The following SRP19 variants were observed in gnomAD, a reference collection of about 807,000 sequenced individuals.
SRP19 encodes the protein signal recognition particle 19 kDa protein.
In SRP19, 11 loss-of-function variants were observed where a neutral mutation model predicts 22.4. The observed-to-expected ratio is 0.49, with a 90% CI of 0.31 to 0.81. The LOEUF (loss-of-function observed/expected upper bound fraction) is 0.81, where lower values mean the gene tolerates loss of function less well. Ranked by LOEUF, SRP19 falls within the 40% of genes least tolerant of loss-of-function variation. The pLI is 0.05. For missense variants in SRP19, 168 were observed against 175.9 expected, an observed-to-expected ratio of 0.96 and a Z score of 0.25; for synonymous variants, 61 against 57.6, an observed-to-expected ratio of 1.06 and a Z score of -0.27.
chr5:112,891,988 A>G (rs1180094457), exon 5 of SRP19: 3 of 1,258,616 alleles, frequency 2.4e-6, no homozygotes, highest in East Asian at 2.3e-5. Flanking sequence ...GGAACAATGG[A>G]AAGAACAGCA....
At chr5:112,881,485 C>A (rs140554922) in intron 4 of SRP19, among the ~76,000 whole-genome samples, 2 of 152,338 alleles carry the variant, frequency 1.3e-5, no homozygotes, top group Non-Finnish European at 2.9e-5. Flanking sequence ...ATCCATTCCT[C>A]CGAATGTTTC....
downstream of SRP19, among the ~76,000 whole-genome samples, chr5:112,872,816 A>G (rs1200176956): frequency 6.6e-6 from 1 of 151,998 alleles, no homozygotes; most frequent in African/African-American, 2.4e-5. Flanking sequence ...TTTGTTTTGT[A>G]TATCTTGTTC....
chr5:112,892,237 A>G lies in SRP19; in HGVS notation c.*630A>G. 1.9e-6 allele frequency: 3 copies of G among 1,614,154 alleles called. No individual in the cohort carries two copies. In the East Asian group the frequency reaches 6.7e-5, roughly 36 times the overall value. The stretch of plus-strand genomic sequence containing the variant: ...ATGTTCACGTAAACATAATTTCCCA[A>G]CATCTAGTCCTACCCTTCTTATTAA... On this transcript the variant is annotated 3_prime_UTR_variant, in exon 5 of 5. Coordinates refer to the SRP19 transcript ENST00000391338.
chr5:112,873,462 T>C (rs1767805119), downstream of SRP19, among the ~76,000 whole-genome samples: 1 of 149,700 alleles, frequency 6.7e-6, no homozygotes, highest in Non-Finnish European at 1.5e-5. Flanking sequence ...TTCTCCTGCC[T>C]CAGCCTCCCG....
At chr5:112,876,983 T>C (rs1767914503) in intron 4 of SRP19, 1 of 152,172 alleles carries the variant, frequency 6.6e-6, no homozygotes, top group Admixed American at 6.5e-5. Context: ...ATGCTAGAAG[T>C]TGCTGATTTT....
chr5:112,892,316 C>T lies in SRP19; in HGVS notation c.*709C>T, dbSNP rs759302583. 7.4e-6 allele frequency: 12 copies of T among 1,614,002 alleles called. No homozygotes were observed. The African/African-American group carries it at 1.5e-4, about 20-fold the overall frequency. ...CAGTGCAGGAGGGATGACTATGACC[C>T]TGACGCAAGCCTGGAGTACAGCGAG... On this transcript the variant is annotated 3_prime_UTR_variant, in exon 5 of 5. Coordinates refer to the SRP19 transcript ENST00000391338.
downstream of SRP19, among the ~76,000 whole-genome samples, chr5:112,872,322 CTTTTTTTTTTTTT>C (rs759571945): frequency 2.2e-5 from 2 of 92,692 alleles, no homozygotes; most frequent in East Asian, 4.1e-4. Flanking sequence ...CCAAATGATT[CTTTTTTTTTTTTT>C]TTTTTTTTTT....
intron 1 of SRP19, among the ~76,000 whole-genome samples, chr5:112,862,124 G>A (rs1445665545): frequency 6.6e-6 from 1 of 152,196 alleles, no homozygotes; most frequent in Non-Finnish European, 1.5e-5. Context: ...GGCAGCGAAA[G>A]CAGATTTATT....
chr5:112,895,814 G>T (rs1768663983), downstream of SRP19: 1 of 152,108 alleles, frequency 6.6e-6, no homozygotes, highest in Non-Finnish European at 1.5e-5. Flanking sequence ...CACAGATCTG[G>T]CTCTTTTCAA....
chr5:112,892,010 G>A, exon 5 of SRP19: 1 of 1,298,564 alleles, frequency 7.7e-7, no homozygotes, highest in South Asian at 1.2e-5. Flanking sequence ...AGGAAAGAGA[G>A]AGAAGAGGAG....
chr5:112,892,466 A>G (rs777268637), exon 5 of SRP19: 5 of 1,614,176 alleles, frequency 3.1e-6, no homozygotes, highest in South Asian at 1.1e-5. Context: ...GGCAATGTAT[A>G]TGTTCAGTAC....
At chr5:112,876,606 G>A (rs1463744415) in intron 4 of SRP19, 1 of 152,130 alleles carries the variant, frequency 6.6e-6, no homozygotes, top group Non-Finnish European at 1.5e-5. Flanking sequence ...CTGTTTGGTA[G>A]GAATTCTGTA....
chr5:112,864,397 C>A, intron 2 of SRP19, 60 bp from the exon 3 acceptor site: 1 of 1,401,104 alleles, frequency 7.1e-7, no homozygotes, highest in Non-Finnish European at 1.0e-6. Context: ...ATTTACCCAA[C>A]ACTATGGCAG....
At chr5:112,888,018 T>G (rs1204231284) in intron 4 of SRP19, among the ~76,000 whole-genome samples, 1 of 152,212 alleles carries the variant, frequency 6.6e-6, no homozygotes, top group African/African-American at 2.4e-5. Context: ...TATACTGAGT[T>G]ATTTTAGTTT....
At chr5:112,886,903 G>A in intron 4 of SRP19, 1 of 699,752 alleles carries the variant, frequency 1.4e-6, no homozygotes, top group Non-Finnish European at 2.3e-6. Context: ...GAGTAATGTT[G>A]GCATTTGGCT....
exon 5 of SRP19, chr5:112,892,038 G>A (rs1360953222): frequency 6.9e-7 from 1 of 1,457,352 alleles, no homozygotes; most frequent in Non-Finnish European, 9.6e-7. Flanking sequence ...AACAACAGGA[G>A]AAGAAAGAAA....
downstream of SRP19, chr5:112,869,910 T>A (rs1454758331): frequency 6.6e-6 from 1 of 152,216 alleles, no homozygotes; most frequent in Non-Finnish European, 1.5e-5. Context: ...TAATCAGTTT[T>A]GGATATTTCT....
In SRP19 at chr5:112,889,262, T is replaced by C. The variant is rs115013757; in HGVS notation, c.302-2341T>C. 3.3e-3 allele frequency among the ~76,000 whole-genome samples: 499 copies of C among 150,758 alleles called. 31 individuals carry two copies. The highest frequency in any genetic ancestry group is 0.012 in the African/African-American group (467 of 40,540). ...AAAACAAAACAAAACCCAGACACTA[T>C]AGGACTAAATTTTTTATAAAACCCC... is the stretch of plus-strand genomic sequence containing the variant. On this transcript the variant is annotated intron_variant, in intron 4 of 4. Transcript: ENST00000391338.
chr5:112,874,511 A>G (rs144322216), downstream of SRP19, among the ~76,000 whole-genome samples: 125 of 152,340 alleles, frequency 8.2e-4, no homozygotes, highest in Middle Eastern at 3.4e-3. Flanking sequence ...GCAGAGATCA[A>G]TATTTTTGAA....
Sources: gnomAD v4.1 joint callset for allele counts (sites outside exome capture counted in the v4.1 genomes callset) on GRCh38, gnomAD v4.1.1 for gene constraint, MANE v1.5 for transcripts, NCBI Gene and HGNC (gene_info 2026-07-23, HGNC 2026-07-21) for gene names.